PDE8A: variants seen among roughly 807,000 people sequenced by gnomAD.
PDE8A encodes the protein phosphodiesterase 8A, also known as high affinity cAMP-specific and IBMX-insensitive 3',5'-cyclic phosphodiesterase 8A.
PDE8A carries 59 observed loss-of-function variants against 105.0 expected under a neutral mutation model. The ratio of observed to expected loss-of-function variants is 0.56; its 90% CI spans 0.46 to 0.70. PDE8A has a LOEUF of 0.70. PDE8A is among the 30% of genes least tolerant of loss of function. PDE8A has a pLI of 0.00. For synonymous variants in PDE8A, 355 were observed against 371.9 expected (o/e 0.95, Z 0.52); for missense variants, 1,014 against 1,045.9 (o/e 0.97, Z 0.42).
intron 1 of PDE8A, among the ~76,000 whole-genome samples, chr15:85,050,835 G>C (rs1468055192): frequency 6.6e-6 from 1 of 151,984 alleles, no homozygotes; most frequent in African/African-American, 2.4e-5. Context: ...GGGTTTTTCT[G>C]TTTCTTCAAA....
chr15:85,079,578 C>T (rs955208917), intron 5 of PDE8A, among the ~76,000 whole-genome samples: 1 of 152,112 alleles, frequency 6.6e-6, no homozygotes. Flanking sequence ...AAAGATGAAA[C>T]AACAGTGTAA....
chr15:85,115,951 C>T (rs760914496), intron 15 of PDE8A, 33 bp from the exon 16 acceptor site: 3 of 1,565,038 alleles, frequency 1.9e-6, no homozygotes, highest in Admixed American at 3.5e-5. Context: ...TCCTTTAAAG[C>T]CTATTTGTTC....
At chr15:85,064,585 A>G (rs1347148304) in intron 2 of PDE8A, among the ~76,000 whole-genome samples, 159 bp downstream of exon 2, 4 of 152,246 alleles carry the variant, frequency 2.6e-5, no homozygotes, top group Non-Finnish European at 1.5e-5. Context: ...ATAGTTATAT[A>G]AGAGAATATC....
intron 1 of PDE8A, among the ~76,000 whole-genome samples, chr15:85,044,959 C>T (rs1346128468): frequency 6.6e-6 from 1 of 151,862 alleles, no homozygotes; most frequent in East Asian, 1.9e-4. Context: ...CATCTCATGA[C>T]CTTCTTTGTA....
intron 8 of PDE8A, among the ~76,000 whole-genome samples, chr15:85,092,838 A>G (rs2081668095): frequency 6.6e-6 from 1 of 152,178 alleles, no homozygotes; most frequent in Admixed American, 6.5e-5. Flanking sequence ...TTGAATAGCA[A>G]GAGACCTGCT....
rs370444809 is a variant in PDE8A, at chr15:85,097,983, C to T, written c.888C>T (p.Asn296=). Residue 296 remains asparagine (N), a synonymous_variant, in exon 9 of 22, where the codon AAC becomes AAT. Coordinates refer to ENST00000394553, the MANE Select transcript of PDE8A (RefSeq NM_002605.3). ...GAATTTACTATGCCAAAAAGAAAAA[C>T]GGAGATAATATACAACAAAATGTGA... ...WQGIYYAKKK[N]GDNIQQNVKI... The T allele has an allele frequency of 3.9e-5, 63 of 1,602,502 alleles. No homozygotes were observed. The East Asian group carries it at 5.4e-4, about 14-fold the overall frequency.
At chr15:84,982,430 GTC>G in intron 1 of PDE8A, 82 bp downstream of exon 1, 1 of 909,752 alleles carries the variant, frequency 1.1e-6, no homozygotes, top group East Asian at 3.3e-5. Context: ...GCCGGGCGGG[GTC>G]CCCCCCACCC....
At chr15:85,085,910 G>A (rs938503611) in intron 6 of PDE8A, among the ~76,000 whole-genome samples, 1 of 150,408 alleles carries the variant, frequency 6.6e-6, no homozygotes. Flanking sequence ...TACTTGGGAG[G>A]CTGAGGCAGG....
At chr15:85,056,259 A>G (rs1179844407) in intron 1 of PDE8A, among the ~76,000 whole-genome samples, 2 of 151,866 alleles carry the variant, frequency 1.3e-5, no homozygotes, top group Non-Finnish European at 1.5e-5. Context: ...CTTCATTTCA[A>G]CTTTGGTGAA....
intron 1 of PDE8A, among the ~76,000 whole-genome samples, chr15:85,052,556 C>T (rs1307643673): frequency 3.3e-5 from 5 of 152,168 alleles, no homozygotes; most frequent in Non-Finnish European, 7.3e-5. Flanking sequence ...TTTTGATTTG[C>T]ATTTCTCTGA....
chr15:85,016,479 G>C (rs1308440114), intron 1 of PDE8A, among the ~76,000 whole-genome samples: 1 of 152,184 alleles, frequency 6.6e-6, no homozygotes, highest in Admixed American at 6.5e-5. Context: ...TCATAATTGA[G>C]TTCATTTCTG....
intron 8 of PDE8A, among the ~76,000 whole-genome samples, chr15:85,096,924 C>G (rs1200401033): frequency 6.6e-6 from 1 of 152,188 alleles, no homozygotes; most frequent in African/African-American, 2.4e-5. Context: ...TGAAGATGAG[C>G]TCTTATCATT....
At chr15:85,064,173 C>G in intron 1 of PDE8A, 197 bp from the exon 2 acceptor site, 1 of 495,840 alleles carries the variant, frequency 2.0e-6, no homozygotes, top group Non-Finnish European at 3.5e-6. Context: ...TTTCTCCTTT[C>G]CTGCTCCCCA....
chr15:85,068,104 G>C (rs866416535), intron 3 of PDE8A, among the ~76,000 whole-genome samples: 5 of 151,730 alleles, frequency 3.3e-5, no homozygotes, highest in Non-Finnish European at 7.4e-5. Flanking sequence ...TGCAAGGCTC[G>C]ATCTCAGCTC....
chr15:85,065,423 G>A (rs1286510995), intron 2 of PDE8A, among the ~76,000 whole-genome samples: 1 of 149,614 alleles, frequency 6.7e-6, no homozygotes, highest in Non-Finnish European at 1.5e-5. Flanking sequence ...CATGGCACAT[G>A]TATACATATG....
At chr15:84,981,311 A>T (rs1468179010), upstream of PDE8A, among the ~76,000 whole-genome samples, 3 of 152,048 alleles carry the variant, frequency 2.0e-5, no homozygotes, top group East Asian at 1.9e-4. Context: ...CTTTGCATTG[A>T]CGCCAGCACC....
chr15:85,046,630 A>G (rs1017222316), intron 1 of PDE8A, among the ~76,000 whole-genome samples: 2 of 152,232 alleles, frequency 1.3e-5, no homozygotes, highest in Non-Finnish European at 2.9e-5. Context: ...GAAACAGACA[A>G]AAAAGAAGAT....
intron 1 of PDE8A, among the ~76,000 whole-genome samples, chr15:85,059,919 G>A (rs1381193090): frequency 1.3e-5 from 2 of 152,136 alleles, no homozygotes; most frequent in South Asian, 2.1e-4. Flanking sequence ...GAAGTGGGAC[G>A]ATCTCTTGAG....
intron 1 of PDE8A, among the ~76,000 whole-genome samples, chr15:85,022,980 T>A (rs2080453552): frequency 6.6e-6 from 1 of 152,180 alleles, no homozygotes; most frequent in Non-Finnish European, 1.5e-5. Context: ...CAGAGGGGAC[T>A]GTTAAGGGAG....
Sources: gnomAD v4.1 joint callset for allele counts (sites outside exome capture counted in the v4.1 genomes callset) on GRCh38, gnomAD v4.1.1 for gene constraint, MANE v1.5 for transcripts, NCBI Gene and HGNC (gene_info 2026-07-23, HGNC 2026-07-21) for gene names.